HS3ST1: variants seen among roughly 807,000 people sequenced by gnomAD.
HS3ST1 encodes the protein heparan sulfate-glucosamine 3-sulfotransferase 1, also known as heparan sulfate glucosamine 3-O-sulfotransferase 1.
HS3ST1 carries 8 observed loss-of-function variants against 20.7 expected under a neutral mutation model. The observed-to-expected ratio is 0.39, with a 90% CI of 0.23 to 0.70. The LOEUF is 0.70. Among genes scored for constraint, HS3ST1 ranks in the 30% least tolerant of loss-of-function variants. The pLI, the probability that HS3ST1 is intolerant of heterozygous loss-of-function variation, is 0.46. For missense variants in HS3ST1, 436 were observed against 423.4 expected (o/e 1.03, Z -0.26); for synonymous variants, 205 against 190.4 (o/e 1.08, Z -0.63).
intron 1 of HS3ST1, among the ~76,000 whole-genome samples, chr4:11,413,501 T>A (rs577011572): frequency 6.6e-6 from 1 of 152,136 alleles, no homozygotes; most frequent in Admixed American, 6.5e-5. Flanking sequence ...GAAGCAAACT[T>A]TGTAAAGTAT....
upstream of HS3ST1, among the ~76,000 whole-genome samples, chr4:11,432,553 TCTG>T (rs1719224779): frequency 6.6e-6 from 1 of 152,146 alleles, no homozygotes; most frequent in Non-Finnish European, 1.5e-5. Context: ...AAAAAGATCA[TCTG>T]TAAAACTTAT....
At chr4:11,401,876 C>G (rs146517830) in intron 1 of HS3ST1, among the ~76,000 whole-genome samples, 49 of 152,274 alleles carry the variant, frequency 3.2e-4, no homozygotes, top group African/African-American at 1.1e-3. Flanking sequence ...ACAGACCAGT[C>G]AAGGGTTTAT....
intron 1 of HS3ST1, among the ~76,000 whole-genome samples, chr4:11,416,616 C>T (rs951209250): frequency 6.6e-6 from 1 of 152,140 alleles, no homozygotes; most frequent in Admixed American, 6.6e-5. Flanking sequence ...TCGAGTCTCT[C>T]AGAGAGGCAG....
intron 1 of HS3ST1, chr4:11,414,254 C>G (rs1420701739): frequency 6.6e-6 from 1 of 152,232 alleles, no homozygotes; most frequent in Non-Finnish European, 1.5e-5. Context: ...CTGGTTCCAT[C>G]TCCTTTCAAG....
At chr4:11,411,064 C>G (rs1486691384) in intron 1 of HS3ST1, among the ~76,000 whole-genome samples, 1 of 151,992 alleles carries the variant, frequency 6.6e-6, no homozygotes, top group East Asian at 1.9e-4. Context: ...CAGCTTTGGC[C>G]CAGGAACTTT....
intron 1 of HS3ST1, among the ~76,000 whole-genome samples, chr4:11,410,662 G>A (rs1212794712): frequency 1.3e-5 from 2 of 152,148 alleles, no homozygotes; most frequent in African/African-American, 4.8e-5. Context: ...GGGAGGCCAA[G>A]GCGGGTAGAA....
At chr4:11,432,148 G>A (rs1026563487), upstream of HS3ST1, among the ~76,000 whole-genome samples, 4 of 152,108 alleles carry the variant, frequency 2.6e-5, no homozygotes, top group Admixed American at 1.3e-4. Context: ...AATAGGAGAC[G>A]GGAGGTCAGG....
At chr4:11,405,512 G>A (rs762202066) in intron 1 of HS3ST1, among the ~76,000 whole-genome samples, 30 of 152,050 alleles carry the variant, frequency 2.0e-4, no homozygotes, top group Admixed American at 9.8e-4. Flanking sequence ...TGTCCCCTCG[G>A]GCCTGGCATG....
intron 1 of HS3ST1, among the ~76,000 whole-genome samples, chr4:11,414,344 G>A (rs224467): frequency 0.97 from 147,519 of 152,166 alleles, 71,668 homozygotes; most frequent in Middle Eastern, 1. Context: ...CGCGTGTGTG[G>A]TTGTTCCAAT....
At chr4:11,410,495 A>T (rs1718591566) in intron 1 of HS3ST1, among the ~76,000 whole-genome samples, 1 of 152,216 alleles carries the variant, frequency 6.6e-6, no homozygotes, top group Admixed American at 6.5e-5. Context: ...AGCCTATGCT[A>T]AGATATGCTG....
intron 1 of HS3ST1, among the ~76,000 whole-genome samples, chr4:11,415,409 C>T (rs1265728444): frequency 3.9e-5 from 6 of 152,108 alleles, no homozygotes; most frequent in Admixed American, 1.3e-4. Context: ...CATTTTAGCC[C>T]ACCTGACATA....
upstream of HS3ST1, among the ~76,000 whole-genome samples, chr4:11,434,251 T>G (rs1315298458): frequency 2.0e-5 from 3 of 152,198 alleles, 1 homozygote; most frequent in Admixed American, 1.3e-4. Flanking sequence ...GAAATAAATA[T>G]TTTGTAGAAT....
At chr4:11,413,072 C>T (rs527559772) in intron 1 of HS3ST1, among the ~76,000 whole-genome samples, 3 of 152,312 alleles carry the variant, frequency 2.0e-5, no homozygotes, top group East Asian at 3.9e-4. Flanking sequence ...ATGCTGGCAT[C>T]CTGGCCTCAG....
At chr4:11,430,641 AG>A (rs1231386184), upstream of HS3ST1, among the ~76,000 whole-genome samples, 2 of 152,196 alleles carry the variant, frequency 1.3e-5, no homozygotes, top group African/African-American at 4.8e-5. Context: ...TGAGACACAA[AG>A]GGGGTTAGCA....
chr4:11,406,394 T>G (rs1718465932), intron 1 of HS3ST1, among the ~76,000 whole-genome samples: 1 of 152,184 alleles, frequency 6.6e-6, no homozygotes, highest in African/African-American at 2.4e-5. Flanking sequence ...TCTGCAAATA[T>G]GAGCTTAAAT....
chr4:11,413,194 A>G (rs1718682849), intron 1 of HS3ST1, among the ~76,000 whole-genome samples: 1 of 152,194 alleles, frequency 6.6e-6, no homozygotes, highest in Non-Finnish European at 1.5e-5. Context: ...TTATATAAAA[A>G]GTTTATCAGT....
In HS3ST1 at chr4:11,402,190, C is replaced by A. The variant is rs571173943; in HGVS notation, c.-108-2077G>T. ...GATCAACCAGCTAATCTACCTTTCTCAGATATTGTTATCTTCTTTGAAAAA... is the reference window on the plus strand; with the variant it reads ...GATCAACCAGCTAATCTACCTTTCTAAGATATTGTTATCTTCTTTGAAAAA... On this transcript the variant is annotated intron_variant, in intron 1 of 1. Coordinates refer to ENST00000002596, the MANE Select transcript of HS3ST1 (RefSeq NM_005114.4). Among the ~76,000 whole-genome samples, 34 of 152,300 alleles carry A rather than the reference C, an allele frequency of 2.2e-4. No individual in the cohort carries two copies. The South Asian group carries it at 5.4e-3, about 24-fold the overall frequency.
intron 1 of HS3ST1, among the ~76,000 whole-genome samples, chr4:11,408,105 T>C (rs1225159512): frequency 2.0e-5 from 3 of 152,006 alleles, no homozygotes; most frequent in African/African-American, 7.2e-5. Context: ...AGGCGGGAGA[T>C]GGAGGAAAGA....
chr4:11,414,532 G>A (rs1462765253), intron 1 of HS3ST1, among the ~76,000 whole-genome samples: 2 of 152,174 alleles, frequency 1.3e-5, no homozygotes, highest in Non-Finnish European at 2.9e-5. Context: ...CCTTGGTGAA[G>A]TCAGTCCCAT....
Sources: gnomAD v4.1 joint callset for allele counts (sites outside exome capture counted in the v4.1 genomes callset) on GRCh38, gnomAD v4.1.1 for gene constraint, MANE v1.5 for transcripts, NCBI Gene and HGNC (gene_info 2026-07-23, HGNC 2026-07-21) for gene names.